Variants in CSNK2A2IP observed in about 807,000 individuals in gnomAD.
CSNK2A2IP encodes the protein casein kinase II subunit alpha'-interacting protein.
chr3:88,390,064 G>A, the CSNK2A2IP span, among the ~76,000 whole-genome samples: 2 of 152,072 alleles, frequency 1.3e-5, no homozygotes, highest in Non-Finnish European at 2.9e-5. Flanking sequence ...GAAGGTGGAC[G>A]GGACTTTAGA....
the CSNK2A2IP span, among the ~76,000 whole-genome samples, chr3:88,433,914 C>A: frequency 6.6e-6 from 1 of 152,136 alleles, no homozygotes; most frequent in Non-Finnish European, 1.5e-5. Flanking sequence ...TAGTTCAGTA[C>A]AAAATCTTAG....
the CSNK2A2IP span, among the ~76,000 whole-genome samples, chr3:88,357,912 A>G: frequency 6.6e-6 from 1 of 152,034 alleles, no homozygotes; most frequent in South Asian, 2.1e-4. Flanking sequence ...TTTTTGGTAG[A>G]GATGGGGTTT....
the CSNK2A2IP span, among the ~76,000 whole-genome samples, chr3:88,408,554 C>T: frequency 1.3e-5 from 2 of 152,018 alleles, no homozygotes; most frequent in African/African-American, 4.8e-5. Context: ...CAGTGCCTGA[C>T]CAGGCTCTCA....
chr3:88,432,024 A>G, the CSNK2A2IP span, among the ~76,000 whole-genome samples: 9 of 152,052 alleles, frequency 5.9e-5, no homozygotes, highest in African/African-American at 1.9e-4. Context: ...TGATTGTGTT[A>G]AAACATTTCT....
chr3:88,466,486 A>G, the CSNK2A2IP span: 1 of 1,231,954 alleles, frequency 8.1e-7, no homozygotes, highest in Non-Finnish European at 1.0e-6. Flanking sequence ...ATCAAGCTCC[A>G]AACACTGCAC....
At chr3:88,454,930 T>C in the CSNK2A2IP span, among the ~76,000 whole-genome samples, 22 of 152,020 alleles carry the variant, frequency 1.4e-4, no homozygotes, top group African/African-American at 5.1e-4. Flanking sequence ...TTCTACTCTG[T>C]TACTGTGTGT....
At chr3:88,367,945 T>C in the CSNK2A2IP span, among the ~76,000 whole-genome samples, 2 of 152,080 alleles carry the variant, frequency 1.3e-5, no homozygotes, top group African/African-American at 4.8e-5. Flanking sequence ...AGTTTTAAAG[T>C]AGCAGTGAGC....
the CSNK2A2IP span, among the ~76,000 whole-genome samples, chr3:88,410,840 TCTTTAAAGTAAAGA>T: frequency 1.3e-5 from 2 of 152,006 alleles, no homozygotes; most frequent in African/African-American, 4.8e-5. Flanking sequence ...CCAAAATTAC[TCTTTAAAGTAAAGA>T]CTTTTGTTAT....
the CSNK2A2IP span, among the ~76,000 whole-genome samples, chr3:88,381,510 T>C: frequency 6.6e-6 from 1 of 152,150 alleles, no homozygotes; most frequent in Non-Finnish European, 1.5e-5. Flanking sequence ...GAGGTCTTAC[T>C]GGTTATAACA....
the CSNK2A2IP span, among the ~76,000 whole-genome samples, chr3:88,391,931 G>T: frequency 1.3e-5 from 2 of 152,202 alleles, no homozygotes; most frequent in Non-Finnish European, 2.9e-5. Context: ...CAGCTGAGTG[G>T]TTGCAGTGAG....
At chr3:88,467,088 G>T in the CSNK2A2IP span, 1 of 704,918 alleles carries the variant, frequency 1.4e-6, no homozygotes. Flanking sequence ...AAATATGGTG[G>T]GCGGTAGCCC....
chr3:88,416,254 A>G, the CSNK2A2IP span, among the ~76,000 whole-genome samples: 1 of 150,226 alleles, frequency 6.7e-6, no homozygotes, highest in Non-Finnish European at 1.5e-5. Flanking sequence ...CCTGGGTGAC[A>G]GAGTGAGACT....
the CSNK2A2IP span, among the ~76,000 whole-genome samples, chr3:88,363,947 T>C: frequency 6.6e-6 from 1 of 152,178 alleles, no homozygotes; most frequent in African/African-American, 2.4e-5. Context: ...TTACCTCACA[T>C]TGATCATCTC....
chr3:88,443,513 G>A, the CSNK2A2IP span, among the ~76,000 whole-genome samples: 1 of 152,154 alleles, frequency 6.6e-6, no homozygotes, highest in Non-Finnish European at 1.5e-5. Context: ...ACAGATGCCA[G>A]CAATAGTCAG....
the CSNK2A2IP span, among the ~76,000 whole-genome samples, chr3:88,357,314 TGCATATGGATA>T: frequency 6.6e-6 from 1 of 152,172 alleles, no homozygotes; most frequent in East Asian, 1.9e-4. Context: ...TTCATTCTCT[TGCATATGGATA>T]TCCAATTTTC....
chr3:88,454,727 G>A, the CSNK2A2IP span, among the ~76,000 whole-genome samples: 14,607 of 151,880 alleles, frequency 0.096, 1,195 homozygotes, highest in Admixed American at 0.28. Context: ...ACATTGTGAA[G>A]TAATTACAGT....
the CSNK2A2IP span, among the ~76,000 whole-genome samples, chr3:88,440,139 A>G: frequency 6.6e-6 from 1 of 152,202 alleles, no homozygotes; most frequent in Non-Finnish European, 1.5e-5. Flanking sequence ...AGTTTGTGCT[A>G]TGAAATATAC....
chr3:88,339,443 A>G, the CSNK2A2IP span, among the ~76,000 whole-genome samples: 1 of 152,058 alleles, frequency 6.6e-6, no homozygotes, highest in Non-Finnish European at 1.5e-5. Flanking sequence ...CTATTTGTCC[A>G]CTGATGAACA....
chr3:88,340,799 C>T, the CSNK2A2IP span, among the ~76,000 whole-genome samples: 1 of 151,924 alleles, frequency 6.6e-6, no homozygotes, highest in Non-Finnish European at 1.5e-5. Flanking sequence ...CTTGGGTTTA[C>T]ATACTTAATT....
Sources: gnomAD v4.1 joint callset for allele counts (sites outside exome capture counted in the v4.1 genomes callset) on GRCh38, gnomAD v4.1.1 for gene constraint, MANE v1.5 for transcripts, NCBI Gene and HGNC (gene_info 2026-07-23, HGNC 2026-07-21) for gene names.